ACBD5: variants seen among roughly 807,000 people sequenced by gnomAD.
The protein encoded by ACBD5 is acyl-CoA binding domain containing 5.
In ACBD5, 40 loss-of-function variants were observed where a neutral mutation model predicts 71.8. That is an observed-to-expected ratio of 0.56 (90% CI 0.43 to 0.72). The LOEUF (loss-of-function observed/expected upper bound fraction) is 0.72, where lower values mean the gene tolerates loss of function less well. Ranked by LOEUF, ACBD5 falls within the 30% of genes least tolerant of loss-of-function variation. The pLI, the probability that ACBD5 is intolerant of heterozygous loss-of-function variation, is 0.00. For synonymous variants in ACBD5, 229 were observed against 218.6 expected, an observed-to-expected ratio of 1.05 and a Z score of -0.42; for missense variants, 559 against 644.5, an observed-to-expected ratio of 0.87 and a Z score of 1.44.
chr10:27,220,385 T>G, intron 5 of ACBD5: 1 of 152,844 alleles, frequency 6.5e-6, no homozygotes, highest in Non-Finnish European at 1.5e-5. Flanking sequence ...AAGCAAATTG[T>G]CCAAGTGGCC....
rs180714945 is a variant in ACBD5 at position 27,204,420 on chromosome 10, A to C, written c.1565+20T>G. The C allele has an allele frequency of 3.2e-6, 5 of 1,568,748 alleles. No individual in the cohort carries two copies. In the East Asian group the frequency reaches 1.1e-4, roughly 35 times the overall value. On this transcript the variant is annotated intron_variant, in intron 12 of 12. Coordinates refer to ENST00000396271, the MANE Select transcript of ACBD5 (RefSeq NM_145698.5). ...GTTATGAGAGTTATACACCATTTCAAATGATGAAACTGGTCTTACCTTCTC... is the reference window on the plus strand; with the variant it reads ...GTTATGAGAGTTATACACCATTTCACATGATGAAACTGGTCTTACCTTCTC...
rs777185132 is a variant in ACBD5 at position 27,218,125 on chromosome 10, A to G, written c.684T>C (p.Asn228=). Residue 228 remains asparagine (N), a synonymous_variant, in exon 7 of 13, where the codon AAT becomes AAC. Coordinates refer to ENST00000396271, the MANE Select transcript of ACBD5 (RefSeq NM_145698.5). ...DHKNLEVIVT[N]GYDKDGFVQD... is the part of the protein sequence containing the mutation. ...GAACAAAGCCATCTTTATCATAGCCATTAGTGACAATGACTTCCAAATTCT... is the reference window on the plus strand; with the variant it reads ...GAACAAAGCCATCTTTATCATAGCCGTTAGTGACAATGACTTCCAAATTCT... The G allele has an allele frequency of 1.2e-6, 2 of 1,614,174 alleles. No homozygotes were observed. Among genetic ancestry groups the G allele is most frequent in the African/African-American group, 1.3e-5 (1 of 75,068 alleles).
At chr10:27,183,088 C>A (rs2058420391) in intron 13 of ACBD5, among the ~76,000 whole-genome samples, 1 of 152,094 alleles carries the variant, frequency 6.6e-6, no homozygotes, top group African/African-American at 2.4e-5. Context: ...GAGAGATGTT[C>A]TGTAATTTCT....
chr10:27,220,115 T>A (rs894999370), intron 5 of ACBD5, among the ~76,000 whole-genome samples: 1 of 152,178 alleles, frequency 6.6e-6, no homozygotes, highest in African/African-American at 2.4e-5. Context: ...TAAGTTAATA[T>A]CAATCAAAAT....
chr10:27,218,081 A>G lies in ACBD5; in HGVS notation c.728T>C (p.Ile243Thr). ...GCCATTCAGGGAAGAACTGGCATGA[A>G]TGTCATTCTGTATATCCTGAACAAA... ...DGFVQDIQND[I>T]HASSSLNGRS... Residue 243 changes from isoleucine (I) to threonine (T), a missense_variant, in exon 7 of 13, where the codon ATT (isoleucine) becomes ACT (threonine). Ile to Thr is a moderately conservative substitution (Grantham distance 89, BLOSUM62 -1). Coordinates refer to ENST00000396271, the MANE Select transcript of ACBD5 (RefSeq NM_145698.5). 6.2e-7 allele frequency: 1 copy of G among 1,614,178 alleles called. No individual in the cohort carries two copies. Among genetic ancestry groups the G allele is most frequent in the South Asian group, 1.1e-5 (1 of 91,084 alleles).
chr10:27,198,004 CT>C (rs2059532024), intron 12 of ACBD5, among the ~76,000 whole-genome samples: 1 of 152,152 alleles, frequency 6.6e-6, no homozygotes, highest in Non-Finnish European at 1.5e-5. Context: ...TTACCCTTTT[CT>C]AATTGGCTAT....
chr10:27,185,786 CAA>C (rs59621747), intron 13 of ACBD5, among the ~76,000 whole-genome samples: 2 of 141,222 alleles, frequency 1.4e-5, no homozygotes. Context: ...GACTCCATTT[CAA>C]AAAAAAAAAA....
intron 3 of ACBD5, among the ~76,000 whole-genome samples, chr10:27,233,531 A>G (rs565037682): frequency 2.8e-4 from 43 of 152,234 alleles, no homozygotes; most frequent in African/African-American, 1.0e-3. Flanking sequence ...CAGCCTGGGC[A>G]ACACATGCAA....
chr10:27,214,584 CATT>C (rs1013642250), intron 8 of ACBD5, among the ~76,000 whole-genome samples: 4 of 152,148 alleles, frequency 2.6e-5, no homozygotes, highest in African/African-American at 9.6e-5. Context: ...CTGCTATCAT[CATT>C]ATCAGAAAAA....
At chr10:27,241,795 T>A (rs2065527861), upstream of ACBD5, among the ~76,000 whole-genome samples, 1 of 152,020 alleles carries the variant, frequency 6.6e-6, no homozygotes, top group Non-Finnish European at 1.5e-5. Flanking sequence ...TCGTCAACCC[T>A]AGAAAGGGGG....
intron 4 of ACBD5, 111 bp downstream of exon 4, chr10:27,231,637 T>C: frequency 3.4e-6 from 3 of 890,300 alleles, no homozygotes; most frequent in African/African-American, 1.7e-5. Flanking sequence ...CTAGATTCTA[T>C]TGTATAACAT....
rs1288880218 is a variant in ACBD5 at position 27,219,789 on chromosome 10, T to C, written c.559A>G (p.Ser187Gly). The C allele has an allele frequency of 6.2e-7, 1 of 1,614,162 alleles. No individual in the cohort carries two copies. The highest frequency in any genetic ancestry group is 8.5e-7 in the Non-Finnish European group (1 of 1,180,008). The change falls in exon 6 of 13, where the codon AGT becomes GGT. Residue 187 changes from serine to glycine, a missense_variant. Ser to Gly is a moderately conservative substitution (Grantham distance 56). Coordinates refer to ENST00000396271, the MANE Select transcript of ACBD5 (RefSeq NM_145698.5). Reference sequence around the variant, plus strand: ...TCTTCTTCCTCAGACTCGGCTCCACTGTCACTGCTTTCAGCTTTACCATTA... The same window carrying C: ...TCTTCTTCCTCAGACTCGGCTCCACCGTCACTGCTTTCAGCTTTACCATTA... ...TVNGKAESSDSGAESEEEEAQ... is the reference protein window; with the variant it reads ...TVNGKAESSDGGAESEEEEAQ...
chr10:27,212,586 T>TC (rs2061212081), intron 8 of ACBD5, among the ~76,000 whole-genome samples: 2 of 149,460 alleles, frequency 1.3e-5, no homozygotes, highest in African/African-American at 5.1e-5. Context: ...CTGCTTTTTT[T>TC]TTTTTTTTTT....
chr10:27,213,527 G>A (rs1357575831), intron 8 of ACBD5, among the ~76,000 whole-genome samples: 1 of 152,174 alleles, frequency 6.6e-6, no homozygotes, highest in African/African-American at 2.4e-5. Flanking sequence ...GGAGGCCAAG[G>A]CAGGCAGATT....
At position 27,235,184 on chromosome 10, in the gene ACBD5, C is replaced by T; in HGVS notation, c.210G>A (p.Met70Ile). Residue 70 changes from methionine to isoleucine, a missense_variant, in exon 3 of 13, where the codon ATG (methionine) becomes ATA (isoleucine). By Grantham distance (10) the Met-to-Ile change is conservative. Transcript: ENST00000396271. ...GCTTATAGAAGCTATAAAATTTAAGCATCATTTCATTTGTTGGCTGGAATG... is the reference window on the plus strand; with the variant it reads ...GCTTATAGAAGCTATAAAATTTAAGTATCATTTCATTTGTTGGCTGGAATG... ...NGSFQPTNEM[M>I]LKFYSFYKQA... 6.2e-7 allele frequency: 1 copy of T among 1,613,980 alleles called. No homozygotes were observed. The highest frequency in any genetic ancestry group is 1.1e-5 in the South Asian group (1 of 91,078).
intron 9 of ACBD5, among the ~76,000 whole-genome samples, chr10:27,209,676 G>T (rs2060859248): frequency 1.3e-5 from 2 of 152,092 alleles, no homozygotes; most frequent in African/African-American, 4.8e-5. Context: ...GTTCCTTATA[G>T]AAATCTCACT....
chr10:27,210,044 C>A (rs879386166), intron 9 of ACBD5, among the ~76,000 whole-genome samples: 2 of 152,188 alleles, frequency 1.3e-5, no homozygotes, highest in African/African-American at 4.8e-5. Context: ...TAAAGGATAA[C>A]AACTGGGTCA....
At chr10:27,211,163 A>G (rs988092621) in intron 8 of ACBD5, 82 bp from the exon 9 acceptor site, 2 of 1,354,932 alleles carry the variant, frequency 1.5e-6, no homozygotes, top group Admixed American at 1.8e-5. Flanking sequence ...TAGGAGAAAT[A>G]CTGTTTTCCT....
At chr10:27,232,131 A>G (rs996083351) in intron 3 of ACBD5, 6 of 360,368 alleles carry the variant, frequency 1.7e-5, no homozygotes, top group African/African-American at 1.2e-4. Context: ...AGTAACAGAA[A>G]TACACATTTT....
Sources: gnomAD v4.1 joint callset for allele counts (sites outside exome capture counted in the v4.1 genomes callset) on GRCh38, gnomAD v4.1.1 for gene constraint, MANE v1.5 for transcripts, NCBI Gene and HGNC (gene_info 2026-07-23, HGNC 2026-07-21) for gene names.